Variants in EZR observed in about 807,000 individuals in gnomAD.
EZR encodes the protein ezrin, also known as cytovillin 2.
EZR carries 40 observed loss-of-function variants against 74.8 expected under a neutral mutation model. That is an observed-to-expected ratio of 0.53 (90% CI 0.42 to 0.70). EZR has a LOEUF of 0.70. EZR is among the 30% of genes least tolerant of loss of function. The pLI, the probability that EZR is intolerant of heterozygous loss-of-function variation, is 0.00. For synonymous variants in EZR, 341 were observed against 283.3 expected, an observed-to-expected ratio of 1.20 and a Z score of -2.05; for missense variants, 678 against 755.8, an observed-to-expected ratio of 0.90 and a Z score of 1.21.
chr6:158,801,498 A>T (rs1296189217), intron 2 of EZR, among the ~76,000 whole-genome samples: 1 of 152,246 alleles, frequency 6.6e-6, no homozygotes, highest in Non-Finnish European at 1.5e-5. Context: ...CAGAATTGTA[A>T]CAAAAATTGT....
chr6:158,786,564 T>TA, intron 4 of EZR, among the ~76,000 whole-genome samples: 1 of 152,008 alleles, frequency 6.6e-6, no homozygotes, highest in Non-Finnish European at 1.5e-5. Flanking sequence ...CCCCGAAACT[T>TA]ACTGTTAAGA....
At chr6:158,819,116 G>T (rs1204145547) in intron 1 of EZR, among the ~76,000 whole-genome samples, 3 of 151,816 alleles carry the variant, frequency 2.0e-5, no homozygotes, top group South Asian at 4.1e-4. Context: ...GACCTGAGGG[G>T]ACCCGGCGCC....
chr6:158,798,252 T>C (rs1777114480), intron 2 of EZR, among the ~76,000 whole-genome samples: 1 of 107,362 alleles, frequency 9.3e-6, no homozygotes, highest in Admixed American at 7.9e-5. Context: ...TTGCTCCTTG[T>C]TGCTTTTAGC....
rs779766774 is a variant in EZR at position 158,776,409 on chromosome 6, G to A, written c.794C>T (p.Pro265Leu). ...FVIKPIDKKAPDFVFYAPRLR... is the reference protein window; with the variant it reads ...FVIKPIDKKALDFVFYAPRLR... Reference sequence around the variant, plus strand: ...TGAATAGAATCCTTTGGAACTTACAGGTGCCTTCTTGTCGATGGGTTTAAT... The same window carrying A: ...TGAATAGAATCCTTTGGAACTTACAAGTGCCTTCTTGTCGATGGGTTTAAT... Residue 265 changes from proline to leucine, a missense_variant and splice_region_variant, in exon 8 of 14, where the codon CCT becomes CTT. By Grantham distance (98) the Pro-to-Leu change is moderately conservative. Around this residue, in one of 3 missense-constraint regions of EZR, gnomAD observed 119 missense variants for 182.3 expected, o/e 0.65. Coordinates refer to ENST00000367075, the MANE Select transcript of EZR (RefSeq NM_001111077.2). 6.2e-7 allele frequency: 1 copy of A among 1,611,660 alleles called. No individual in the cohort carries two copies. The highest frequency in any genetic ancestry group is 8.5e-7 in the Non-Finnish European group (1 of 1,177,766).
chr6:158,803,552 T>TAC (rs1403723893), intron 2 of EZR, among the ~76,000 whole-genome samples: 1 of 4,572 alleles, frequency 2.2e-4, no homozygotes, highest in Non-Finnish European at 9.0e-4. Flanking sequence ...TATGTATATA[T>TAC]ATATATATAT....
At position 158,766,303 on chromosome 6, in the gene EZR, A is replaced by G. The variant is rs1790826095; in HGVS notation, c.*611T>C. 1 of 124,474 alleles carries G rather than the reference A, an allele frequency of 8.0e-6. No individual in the cohort carries two copies. The highest frequency in any genetic ancestry group is 2.9e-5 in the African/African-American group (1 of 34,844). The allele number at this position is 124,474 out of a possible 1,614,324, so 7.7% of individuals were successfully genotyped here. A position where few individuals can be genotyped will look rare whatever the true frequency, so the allele number is the denominator to read the frequency against. ...TGTATTCTAAAACTGTTAAGCAAAA[A>G]AAAAAAAAACAAAAAAAAAAATCCA... On this transcript the variant is annotated 3_prime_UTR_variant, in exon 14 of 14. Coordinates refer to ENST00000367075, the MANE Select transcript of EZR (RefSeq NM_001111077.2).
intron 7 of EZR, among the ~76,000 whole-genome samples, chr6:158,781,502 G>C (rs1291365560): frequency 1.3e-5 from 2 of 152,164 alleles, no homozygotes; most frequent in African/African-American, 4.8e-5. Context: ...GTGGGCTGGG[G>C]CAGTTACAAG....
intron 8 of EZR, among the ~76,000 whole-genome samples, chr6:158,771,981 GC>G (rs1791125442): frequency 6.6e-6 from 1 of 152,072 alleles, no homozygotes; most frequent in Non-Finnish European, 1.5e-5. Context: ...ATCACTGCCA[GC>G]CTGGGAGCTC....
intron 7 of EZR, among the ~76,000 whole-genome samples, chr6:158,779,049 A>G (rs985159325): frequency 9.9e-5 from 15 of 152,244 alleles, no homozygotes; most frequent in African/African-American, 3.6e-4. Flanking sequence ...AAAGGGAAGG[A>G]TAGTGATTTT....
chr6:158,794,716 A>C (rs771293161), intron 2 of EZR, among the ~76,000 whole-genome samples: 4 of 151,876 alleles, frequency 2.6e-5, no homozygotes, highest in Non-Finnish European at 4.4e-5. Flanking sequence ...AGGTGTGTGT[A>C]TAGTAAGCAG....
At chr6:158,801,998 T>G (rs923405011) in intron 2 of EZR, among the ~76,000 whole-genome samples, 1 of 152,272 alleles carries the variant, frequency 6.6e-6, no homozygotes, top group Non-Finnish European at 1.5e-5. Flanking sequence ...TGGCCACACA[T>G]GGATTGATAA....
chr6:158,787,314 C>T, intron 3 of EZR, 111 bp from the exon 4 acceptor site: 3 of 774,072 alleles, frequency 3.9e-6, no homozygotes, highest in Non-Finnish European at 6.4e-6. Flanking sequence ...GAAACCAGGA[C>T]ATCTGCTCAG....
At chr6:158,767,129 G>T (rs776110627) in intron 13 of EZR, 51 bp from the exon 14 acceptor site, 24 of 1,603,908 alleles carry the variant, frequency 1.5e-5, no homozygotes, top group East Asian at 2.2e-5. Flanking sequence ...ATATGGCCCG[G>T]CCCGTCCCCT....
rs544067999 is a variant in EZR at position 158,767,319 on chromosome 6, T to C, written c.1538A>G (p.Asn513Ser). 6 of 1,614,172 alleles carry C rather than the reference T, an allele frequency of 3.7e-6. No homozygotes were observed. The Admixed American group carries it at 5.0e-5, about 13-fold the overall frequency. ...TGCCTCAGTGATGCGCTTCTCCTCA[T>C]TGCGGTCATCCCGGATGCCCTCACT... ...LSSEGIRDDR[N>S]EEKRITEAEK... The change falls in exon 13 of 14, where the codon AAT (asparagine) becomes AGT (serine). Residue 513 changes from asparagine (N) to serine (S), a missense_variant. Asn to Ser is a conservative substitution (Grantham distance 46). Around this residue, in one of 3 missense-constraint regions of EZR, gnomAD observed 342 missense variants for 341.2 expected, o/e 1.00. Transcript: ENST00000367075.
intron 2 of EZR, among the ~76,000 whole-genome samples, chr6:158,814,086 A>G (rs552330254): frequency 7.9e-5 from 12 of 152,282 alleles, no homozygotes; most frequent in Admixed American, 5.2e-4. Context: ...TAGATGGGGC[A>G]GACCCACAAG....
At chr6:158,776,353 G>T in intron 8 of EZR, 55 bp downstream of exon 8, 2 of 1,399,576 alleles carry the variant, frequency 1.4e-6, no homozygotes, top group South Asian at 1.2e-5. Flanking sequence ...CCGTTACCCT[G>T]ACAAGTATAA....
chr6:158,789,783 TTTTG>T (rs1562498699), intron 2 of EZR, among the ~76,000 whole-genome samples: 2 of 152,126 alleles, frequency 1.3e-5, no homozygotes, highest in African/African-American at 4.8e-5. Flanking sequence ...GCCTAGCTCG[TTTTG>T]TTTTTTACTT....
At chr6:158,773,692 C>T (rs1486754708) in intron 8 of EZR, among the ~76,000 whole-genome samples, 1 of 152,240 alleles carries the variant, frequency 6.6e-6, no homozygotes, top group African/African-American at 2.4e-5. Context: ...GCAGAGATGG[C>T]AGGAGGCAGC....
chr6:158,788,692 T>TG (rs1388951204), intron 3 of EZR, among the ~76,000 whole-genome samples: 1 of 151,940 alleles, frequency 6.6e-6, no homozygotes, highest in Non-Finnish European at 1.5e-5. Context: ...CAGCTGTTAT[T>TG]GGGGAAAAAA....
Sources: gnomAD v4.1 joint callset for allele counts (sites outside exome capture counted in the v4.1 genomes callset) on GRCh38, gnomAD v4.1.1 for gene constraint, gnomAD v4.1.1 regional missense constraint, MANE v1.5 for transcripts, NCBI Gene and HGNC (gene_info 2026-07-23, HGNC 2026-07-21) for gene names.